GDA: variants seen among roughly 807,000 people sequenced by gnomAD.
GDA encodes the protein cytoplasmic PSD-95 interactor.
GDA carries 18 observed loss-of-function variants against 59.6 expected under a neutral mutation model. That is an observed-to-expected ratio of 0.30 (90% CI 0.21 to 0.45). The LOEUF (loss-of-function observed/expected upper bound fraction) is 0.45, where lower values mean the gene tolerates loss of function less well. Among genes scored for constraint, GDA ranks in the 20% least tolerant of loss-of-function variants. GDA has a pLI of 1.00. For synonymous variants in GDA, 201 were observed against 201.1 expected (o/e 1.00, Z 0.00); for missense variants, 427 against 552.3 (o/e 0.77, Z 2.27).
chr9:72,207,865 T>C (rs549896310), intron 3 of GDA, among the ~76,000 whole-genome samples: 1 of 152,176 alleles, frequency 6.6e-6, no homozygotes, highest in East Asian at 1.9e-4. Flanking sequence ...CCCAACAACT[T>C]TGGGAGTCTG....
chr9:72,191,712 G>A (rs1420919950), intron 1 of GDA, among the ~76,000 whole-genome samples: 4 of 152,036 alleles, frequency 2.6e-5, no homozygotes, highest in Admixed American at 2.0e-4. Flanking sequence ...CAGCCTCCCA[G>A]ATAGCTGGGA....
intron 1 of GDA, among the ~76,000 whole-genome samples, chr9:72,120,829 G>A (rs1004667502): frequency 6.6e-6 from 1 of 151,972 alleles, no homozygotes; most frequent in Admixed American, 6.6e-5. Flanking sequence ...GCATCATTCG[G>A]GAAACAGAAG....
At chr9:72,252,284 G>A (rs1367760034), downstream of GDA, 3 of 152,508 alleles carry the variant, frequency 2.0e-5, 1 homozygote, top group African/African-American at 7.2e-5. Context: ...TCTGCTGGAA[G>A]AGGAATTGAT....
chr9:72,162,259 A>G (rs75210902), intron 1 of GDA, among the ~76,000 whole-genome samples: 2,231 of 152,298 alleles, frequency 0.015, 56 homozygotes, highest in African/African-American at 0.051. Context: ...ATGGTAAGCA[A>G]AAGAGATGCG....
At chr9:72,164,941 G>C (rs36095417) in intron 1 of GDA, among the ~76,000 whole-genome samples, 2,371 of 145,604 alleles carry the variant, frequency 0.016, 121 homozygotes, top group Admixed American at 0.12. Flanking sequence ...AGTGAGCCAA[G>C]ATCCAGCCAC....
intron 1 of GDA, among the ~76,000 whole-genome samples, chr9:72,161,524 G>T (rs759717120): frequency 2.0e-5 from 3 of 152,162 alleles, no homozygotes; most frequent in Non-Finnish European, 4.4e-5. Context: ...AAGAACCCTA[G>T]AAGAGTACAT....
At chr9:72,190,869 A>G (rs1397018479) in intron 1 of GDA, among the ~76,000 whole-genome samples, 1 of 152,198 alleles carries the variant, frequency 6.6e-6, no homozygotes, top group Non-Finnish European at 1.5e-5. Flanking sequence ...TAAGTGTAAA[A>G]AGTTTTTTTC....
At chr9:72,169,432 A>G (rs1829700526) in intron 1 of GDA, among the ~76,000 whole-genome samples, 1 of 152,168 alleles carries the variant, frequency 6.6e-6, no homozygotes, top group Non-Finnish European at 1.5e-5. Context: ...AGGAGGGAGG[A>G]GTGTCAAGTC....
intron 6 of GDA, among the ~76,000 whole-genome samples, chr9:72,220,921 A>G (rs888567411): frequency 2.6e-5 from 4 of 151,806 alleles, no homozygotes; most frequent in Admixed American, 6.6e-5. Context: ...TCCTGCCTCC[A>G]CCCCTAACAG....
chr9:72,134,016 T>A (rs1826132838), intron 1 of GDA, among the ~76,000 whole-genome samples: 1 of 152,220 alleles, frequency 6.6e-6, no homozygotes, highest in Non-Finnish European at 1.5e-5. Flanking sequence ...TCAGATTCTC[T>A]ACTTCTTGTG....
At chr9:72,127,874 A>T (rs1825899212) in intron 1 of GDA, among the ~76,000 whole-genome samples, 1 of 152,190 alleles carries the variant, frequency 6.6e-6, no homozygotes, top group Non-Finnish European at 1.5e-5. Context: ...GTTTCCTCCA[A>T]AAGAGATTAG....
At chr9:72,121,774 G>C (rs984975795) in intron 1 of GDA, among the ~76,000 whole-genome samples, 1 of 152,138 alleles carries the variant, frequency 6.6e-6, no homozygotes, top group Non-Finnish European at 1.5e-5. Context: ...ACGCATGGAA[G>C]CTTGGCATAC....
At chr9:72,234,144 G>T (rs1838693952) in intron 10 of GDA, among the ~76,000 whole-genome samples, 1 of 152,118 alleles carries the variant, frequency 6.6e-6, no homozygotes, top group Admixed American at 6.6e-5. Flanking sequence ...ATATGCCAGT[G>T]TGTGGGCTTA....
chr9:72,182,343 T>C (rs1478284912), intron 1 of GDA, among the ~76,000 whole-genome samples: 1 of 152,164 alleles, frequency 6.6e-6, no homozygotes, highest in Non-Finnish European at 1.5e-5. Flanking sequence ...CTTTAGTGTT[T>C]CTTTGTCTTT....
intron 10 of GDA, among the ~76,000 whole-genome samples, chr9:72,237,421 G>A (rs1051917551): frequency 6.6e-5 from 10 of 152,114 alleles, no homozygotes; most frequent in East Asian, 3.9e-4. Context: ...AAGCACCTTC[G>A]TTCTTCCCTT....
chr9:72,146,458 G>A (rs1200372663), upstream of GDA, among the ~76,000 whole-genome samples: 2 of 152,044 alleles, frequency 1.3e-5, no homozygotes, highest in African/African-American at 2.4e-5. Context: ...ATACCAGAAT[G>A]GGAGTCAAAA....
chr9:72,186,314 C>T (rs1831855161), intron 1 of GDA, among the ~76,000 whole-genome samples: 1 of 152,140 alleles, frequency 6.6e-6, no homozygotes, highest in African/African-American at 2.4e-5. Flanking sequence ...TGTACTGTAT[C>T]CCCACTAGCC....
intron 1 of GDA, among the ~76,000 whole-genome samples, chr9:72,177,862 C>T (rs574777911): frequency 3.1e-4 from 47 of 152,336 alleles, no homozygotes; most frequent in African/African-American, 1.1e-3. Flanking sequence ...TTGCTAAGTT[C>T]CTCTGGCTGT....
Position 72,251,679 on chromosome 9 carries a change from G to A in GDA, c.*3337G>A, listed in dbSNP as rs1840699421. 4 of 151,996 alleles carry A rather than the reference G, an allele frequency of 2.6e-5. No homozygotes were observed. The South Asian group carries it at 6.2e-4, about 24-fold the overall frequency. The allele number at this position is 151,996 out of a possible 1,614,324, so 9.4% of individuals were successfully genotyped here. A position where few individuals can be genotyped will look rare whatever the true frequency, so the allele number is the denominator to read the frequency against. On this transcript the variant is annotated 3_prime_UTR_variant, in exon 14 of 14. Coordinates refer to ENST00000358399, the MANE Select transcript of GDA (RefSeq NM_004293.5). ...TTTGGACAGCTTCAAGGAGATGTTA[G>A]CAATTTCAGATATACTAGCCAGTTT...
Sources: allele counts gnomAD v4.1 joint callset (sites outside exome capture counted in the v4.1 genomes callset), GRCh38; gene constraint gnomAD v4.1.1; transcripts MANE v1.5; gene names NCBI Gene and HGNC (gene_info 2026-07-23, HGNC 2026-07-21).